TNPO1: variants seen among roughly 807,000 people sequenced by gnomAD.
TNPO1 encodes the protein transportin 1, also known as transportin-1.
In TNPO1, 8 loss-of-function variants were observed where a neutral mutation model predicts 119.5. The observed-to-expected ratio is 0.07, with a 90% CI of 0.04 to 0.12. The LOEUF (loss-of-function observed/expected upper bound fraction) is 0.12, where lower values mean the gene tolerates loss of function less well. Among genes scored for constraint, TNPO1 ranks in the 10% least tolerant of loss-of-function variants. The pLI, the probability that TNPO1 is intolerant of heterozygous loss-of-function variation, is 1.00. For missense variants in TNPO1, 576 were observed against 1,089.8 expected (o/e 0.53, Z 6.64); for synonymous variants, 362 against 363.0 (o/e 1.00, Z 0.03).
At chr5:72,825,999 G>A (rs745308527) in intron 1 of TNPO1, among the ~76,000 whole-genome samples, 4 of 151,964 alleles carry the variant, frequency 2.6e-5, no homozygotes, top group Non-Finnish European at 4.4e-5. Context: ...CTCATTTACT[G>A]TTACCACTGT....
Position 72,901,901 on chromosome 5 carries a change from A to G in TNPO1, c.2514+828A>G, listed in dbSNP as rs544191753. Among the ~76,000 whole-genome samples, 46 of 152,072 alleles carry G rather than the reference A, an allele frequency of 3.0e-4. No individual in the cohort carries two copies. The South Asian group carries it at 9.4e-3, about 31-fold the overall frequency. On this transcript the variant is annotated intron_variant, in intron 22 of 24. Transcript: ENST00000337273. ...AGACCAGCCTGGTCAACATGGTGAA[A>G]CCCCATCTCTACTTCAGATAAAAAA... is the stretch of plus-strand genomic sequence containing the variant.
At chr5:72,822,240 C>A (rs1743993072) in intron 1 of TNPO1, among the ~76,000 whole-genome samples, 1 of 151,878 alleles carries the variant, frequency 6.6e-6, no homozygotes, top group South Asian at 2.1e-4. Flanking sequence ...GGGCAAGTTC[C>A]ACAGAAGAGG....
In TNPO1 at chr5:72,878,369, C is replaced by T. The variant is rs758192596; in HGVS notation, c.920+1023C>T. On this transcript the variant is annotated intron_variant, in intron 9 of 24. Transcript: ENST00000337273. ...TAGTTCTCTAGGAAATTTATAGAAC[C>T]GTATACCCCACTGTGTGTCTATTCT... Among the ~76,000 whole-genome samples the T allele has an allele frequency of 2.0e-5, 3 of 151,410 alleles. No individual in the cohort carries two copies. The South Asian group carries it at 6.3e-4, about 32-fold the overall frequency.
intron 6 of TNPO1, among the ~76,000 whole-genome samples, chr5:72,868,134 A>G (rs1484752950): frequency 6.6e-6 from 1 of 152,096 alleles, no homozygotes; most frequent in Non-Finnish European, 1.5e-5. Flanking sequence ...GCTTTTTGAC[A>G]TTTAAGAGCT....
At chr5:72,849,238 C>T (rs1234464381) in intron 2 of TNPO1, among the ~76,000 whole-genome samples, 2 of 152,150 alleles carry the variant, frequency 1.3e-5, no homozygotes, top group African/African-American at 4.8e-5. Context: ...CCTGTTGCTA[C>T]GGTTTTAGAG....
In TNPO1 at chr5:72,896,542, T is replaced by C; in HGVS notation, c.2228T>C (p.Ile743Thr). Residue 743 changes from isoleucine to threonine, a missense_variant, in exon 19 of 25, where the codon ATC becomes ACC. By Grantham distance (89) the Ile-to-Thr change is moderately conservative. Coordinates refer to ENST00000337273, the MANE Select transcript of TNPO1 (RefSeq NM_002270.4). The part of the protein sequence containing the change: ...CNNATWAIGE[I>T]SIQMGIEMQP... ...AATGCCACATGGGCAATTGGAGAAA[T>C]CTCCATTCAAATGGGTAAGATGTTT... The C allele has an allele frequency of 1.2e-6, 2 of 1,611,484 alleles. No individual in the cohort carries two copies. The highest frequency in any genetic ancestry group is 1.7e-6 in the Non-Finnish European group (2 of 1,179,546).
chr5:72,852,896 C>T (rs954672335), intron 3 of TNPO1, among the ~76,000 whole-genome samples: 5 of 152,232 alleles, frequency 3.3e-5, no homozygotes, highest in African/African-American at 1.2e-4. Flanking sequence ...CGATACATTG[C>T]TTCTTAATAT....
intron 11 of TNPO1, among the ~76,000 whole-genome samples, chr5:72,885,801 T>C (rs1454431939): frequency 2.7e-5 from 4 of 150,866 alleles, no homozygotes; most frequent in Non-Finnish European, 5.9e-5. Flanking sequence ...ATTAGCCATT[T>C]ACTATGCCTA....
chr5:72,831,013 A>T (rs2112188963), intron 1 of TNPO1, among the ~76,000 whole-genome samples: 1 of 152,244 alleles, frequency 6.6e-6, no homozygotes, highest in South Asian at 2.1e-4. Flanking sequence ...TGTTCTTTCC[A>T]TCCCTTCTTA....
In TNPO1 at chr5:72,890,067, C is replaced by T. The variant is rs536606846; in HGVS notation, c.1701+110C>T. On this transcript the variant is annotated intron_variant, in intron 14 of 24. Coordinates refer to ENST00000337273, the MANE Select transcript of TNPO1 (RefSeq NM_002270.4). Reference sequence around the variant, plus strand: ...TGTTTTGGGAGATGTGAATAGTTAGCGTTAGCTACTTTAAGAGTATAGATC... The same window carrying T: ...TGTTTTGGGAGATGTGAATAGTTAGTGTTAGCTACTTTAAGAGTATAGATC... The T allele has an allele frequency of 5.3e-5, 63 of 1,193,402 alleles. 1 individual carries two copies. Among genetic ancestry groups the T allele is most frequent in the South Asian group, 2.3e-4 (16 of 70,954 alleles). 73.9% of individuals were successfully genotyped at this position (1,193,402 alleles called of 1,614,324 possible). A position where few individuals can be genotyped will look rare whatever the true frequency, so the allele number is the denominator to read the frequency against.
In TNPO1 at chr5:72,909,504, G is replaced by T. The variant is rs1006280021; in HGVS notation, c.*831G>T. 5.9e-5 allele frequency: 9 copies of T among 152,086 alleles called. No individual in the cohort carries two copies. The highest frequency in any genetic ancestry group is 2.2e-4 in the African/African-American group (9 of 41,396). 9.4% of individuals were successfully genotyped at this position (152,086 alleles called of 1,614,324 possible). ...TATACTTCATTAGATTTAATTTCTAGGCCAAGATGTTACTTTTTAAAGTGC... is the reference window on the plus strand; with the variant it reads ...TATACTTCATTAGATTTAATTTCTATGCCAAGATGTTACTTTTTAAAGTGC... On this transcript the variant is annotated 3_prime_UTR_variant, in exon 25 of 25. Coordinates refer to ENST00000337273, the MANE Select transcript of TNPO1 (RefSeq NM_002270.4).
At chr5:72,848,278 G>A (rs1745237368) in intron 1 of TNPO1, 107 bp from the exon 2 acceptor site, 1 of 1,337,836 alleles carries the variant, frequency 7.5e-7, no homozygotes, top group East Asian at 3.0e-5. Context: ...GAGCGCTGGG[G>A]TTGTGGTGGC....
intron 1 of TNPO1, among the ~76,000 whole-genome samples, chr5:72,840,022 G>A (rs145217281): frequency 6.6e-6 from 1 of 152,196 alleles, no homozygotes; most frequent in East Asian, 1.9e-4. Flanking sequence ...GCAAGGTGCA[G>A]TTATCATATC....
intron 20 of TNPO1, among the ~76,000 whole-genome samples, chr5:72,898,859 T>G (rs987150540): frequency 1.3e-5 from 2 of 152,204 alleles, no homozygotes; most frequent in African/African-American, 4.8e-5. Flanking sequence ...TTGCTTCAAG[T>G]AATCCTTAAA....
chr5:72,820,561 T>C (rs999544379), intron 1 of TNPO1, among the ~76,000 whole-genome samples: 5 of 152,212 alleles, frequency 3.3e-5, no homozygotes, highest in Non-Finnish European at 7.3e-5. Context: ...CTCTGTGTTA[T>C]ACATGGAAGT....
chr5:72,848,491 T>C lies in TNPO1; in HGVS notation c.122T>C (p.Val41Ala). ...CCAGACACCACCATCCAGAGAACCG[T>C]GCAACAAGTATCCTTTCCGAGGCCT... ...QSPDTTIQRT[V>A]QQKLEQLNQY... The change falls in exon 2 of 25, where the codon GTG becomes GCG. Residue 41 changes from valine to alanine, a missense_variant. Val to Ala is a moderately conservative substitution (Grantham distance 64). This residue lies in a region of TNPO1 where 57 missense variants were observed against 59.5 expected (regional missense o/e 0.96). Transcript: ENST00000337273. 1 of 1,587,556 alleles carries C rather than the reference T, an allele frequency of 6.3e-7. No homozygotes were observed. The highest frequency in any genetic ancestry group is 8.6e-7 in the Non-Finnish European group (1 of 1,166,498).
chr5:72,901,936 C>T (rs1443955168), intron 22 of TNPO1, among the ~76,000 whole-genome samples: 1 of 152,012 alleles, frequency 6.6e-6, no homozygotes, highest in Non-Finnish European at 1.5e-5. Context: ...ATTAGCCAGG[C>T]TTGGTGGCAG....
intron 6 of TNPO1, among the ~76,000 whole-genome samples, chr5:72,870,747 G>A (rs1169420257): frequency 6.6e-6 from 1 of 152,146 alleles, no homozygotes; most frequent in Admixed American, 6.5e-5. Flanking sequence ...TGCCTCTGGA[G>A]GTTGGGGATA....
rs191730616 is a variant in TNPO1, at chr5:72,864,436, C to T, written c.463-1160C>T. ...AACAGTAAAGTAGGTGGGTGGGTAACTAGTAGGTTACATGTTATGTACAAA... is the reference window on the plus strand; with the variant it reads ...AACAGTAAAGTAGGTGGGTGGGTAATTAGTAGGTTACATGTTATGTACAAA... On this transcript the variant is annotated intron_variant, in intron 5 of 24. Coordinates refer to ENST00000337273, the MANE Select transcript of TNPO1 (RefSeq NM_002270.4). 1.1e-3 allele frequency among the ~76,000 whole-genome samples: 164 copies of T among 152,132 alleles called. 1 individual carries two copies. Among genetic ancestry groups the T allele is most frequent in the African/African-American group, 3.9e-3 (162 of 41,496 alleles).
Sources: gnomAD v4.1 joint callset for allele counts (sites outside exome capture counted in the v4.1 genomes callset) on GRCh38, gnomAD v4.1.1 for gene constraint, gnomAD v4.1.1 regional missense constraint, MANE v1.5 for transcripts, NCBI Gene and HGNC (gene_info 2026-07-23, HGNC 2026-07-21) for gene names.